EYS: variants seen among roughly 807,000 people sequenced by gnomAD.
EYS encodes protein eyes shut homolog.
In EYS, 250 loss-of-function variants were observed where a neutral mutation model predicts 282.1. That is an observed-to-expected ratio of 0.89 (90% CI 0.80 to 0.98). The LOEUF (loss-of-function observed/expected upper bound fraction) is 0.98, where lower values mean the gene tolerates loss of function less well. EYS is among the 50% of genes least tolerant of loss of function. The pLI is 0.00. For synonymous variants in EYS, 1,355 were observed against 1,282.9 expected (o/e 1.06, Z -1.20); for missense variants, 4,016 against 3,709.0 (o/e 1.08, Z -2.15).
intron 12 of EYS, among the ~76,000 whole-genome samples, chr6:65,058,114 C>T (rs9453168): frequency 0.015 from 2,236 of 152,164 alleles, 44 homozygotes; most frequent in African/African-American, 0.05. Context: ...GAATCAATAA[C>T]ATCCTGATGT....
chr6:65,236,493 C>T (rs989001678), intron 12 of EYS, among the ~76,000 whole-genome samples: 8 of 151,982 alleles, frequency 5.3e-5, no homozygotes, highest in Non-Finnish European at 1.0e-4. Context: ...CGCTTGTTTT[C>T]CTAGCCACTA....
At chr6:65,652,614 AT>A (rs1291012037) in intron 1 of EYS, among the ~76,000 whole-genome samples, 1 of 151,984 alleles carries the variant, frequency 6.6e-6, no homozygotes, top group Non-Finnish European at 1.5e-5. Context: ...AGCTTGAATA[AT>A]TTAGAAGAAG....
At chr6:64,869,490 CAT>C (rs1438990893) in intron 19 of EYS, among the ~76,000 whole-genome samples, 1 of 151,214 alleles carries the variant, frequency 6.6e-6, no homozygotes, top group Non-Finnish European at 1.5e-5. Context: ...AAAAAGATGA[CAT>C]AGTGAAGTAA....
chr6:63,948,998 A>T (rs1162235947), intron 35 of EYS, among the ~76,000 whole-genome samples: 1 of 152,168 alleles, frequency 6.6e-6, no homozygotes, highest in South Asian at 2.1e-4. Context: ...CAGTTACTAC[A>T]GTGTACTACC....
At chr6:65,329,630 T>C (rs752056723) in intron 11 of EYS, 19 of 982,048 alleles carry the variant, frequency 1.9e-5, no homozygotes, top group Non-Finnish European at 2.3e-5. Context: ...GGCAGAAAAG[T>C]TTGCATAGTA....
intron 31 of EYS, among the ~76,000 whole-genome samples, chr6:64,132,090 C>T (rs114101571): frequency 0.019 from 2,948 of 151,774 alleles, 89 homozygotes; most frequent in African/African-American, 0.067. Context: ...AGTTGTCTTT[C>T]TCTGAGTAAA....
At chr6:63,991,393 A>G (rs1459321772) in intron 34 of EYS, among the ~76,000 whole-genome samples, 1 of 151,736 alleles carries the variant, frequency 6.6e-6, no homozygotes, top group Non-Finnish European at 1.5e-5. Flanking sequence ...ACAACCCTTT[A>G]AAAAGAGATC....
At chr6:64,136,593 A>G (rs1417125699) in intron 31 of EYS, among the ~76,000 whole-genome samples, 1 of 152,140 alleles carries the variant, frequency 6.6e-6, no homozygotes, top group Non-Finnish European at 1.5e-5. Context: ...TTGTATTGTC[A>G]GGCATGAAAA....
chr6:64,994,520 G>T (rs1013466134), intron 14 of EYS, among the ~76,000 whole-genome samples: 1 of 151,982 alleles, frequency 6.6e-6, no homozygotes, highest in African/African-American at 2.4e-5. Flanking sequence ...AGGCAAATGC[G>T]AATGTTTTAT....
intron 22 of EYS, among the ~76,000 whole-genome samples, chr6:64,785,816 C>A (rs1205336045): frequency 6.6e-6 from 1 of 152,080 alleles, no homozygotes; most frequent in African/African-American, 2.4e-5. Context: ...TAGATAAAGT[C>A]CTTGTCATCA....
intron 1 of EYS, among the ~76,000 whole-genome samples, chr6:65,706,106 C>A (rs1443275455): frequency 6.6e-6 from 1 of 151,368 alleles, no homozygotes; most frequent in Non-Finnish European, 1.5e-5. Flanking sequence ...ATATTCATTT[C>A]ATATGTATTT....
chr6:65,098,849 T>C (rs933232944), intron 12 of EYS, among the ~76,000 whole-genome samples: 4 of 150,712 alleles, frequency 2.7e-5, no homozygotes, highest in Non-Finnish European at 6.0e-5. Flanking sequence ...AAAATTCCTA[T>C]AAACAAAAGG....
At chr6:64,871,716 C>T (rs983664867) in intron 19 of EYS, among the ~76,000 whole-genome samples, 2 of 152,008 alleles carry the variant, frequency 1.3e-5, no homozygotes, top group African/African-American at 4.8e-5. Flanking sequence ...TCCTCCCAAA[C>T]TCTGTACAAA....
chr6:64,237,522 G>A (rs1347666340), intron 30 of EYS, among the ~76,000 whole-genome samples: 1 of 152,136 alleles, frequency 6.6e-6, no homozygotes, highest in Non-Finnish European at 1.5e-5. Flanking sequence ...TAGTTGCCAG[G>A]TGTTCAGTTT....
intron 5 of EYS, among the ~76,000 whole-genome samples, chr6:65,415,168 C>T (rs1410218082): frequency 6.6e-6 from 1 of 151,902 alleles, no homozygotes; most frequent in East Asian, 1.9e-4. Context: ...TGGGGATAAA[C>T]ATTAGTTGCA....
chr6:65,195,950 A>T (rs1271580748), intron 12 of EYS, among the ~76,000 whole-genome samples: 1 of 152,066 alleles, frequency 6.6e-6, no homozygotes, highest in Non-Finnish European at 1.5e-5. Context: ...AGGAATATCA[A>T]CCAGCCAGTC....
intron 31 of EYS, among the ~76,000 whole-genome samples, chr6:64,121,750 AG>A (rs1340878729): frequency 4.1e-4 from 62 of 152,244 alleles, no homozygotes; most frequent in African/African-American, 1.4e-3. Flanking sequence ...CCCTTCTTAA[AG>A]TACCAGTTTC....
intron 33 of EYS, among the ~76,000 whole-genome samples, chr6:64,054,677 C>A (rs1770923671): frequency 6.6e-6 from 1 of 151,970 alleles, no homozygotes; most frequent in Admixed American, 6.6e-5. Context: ...TAGGTAGTAA[C>A]CCTGTTTCAA....
At chr6:64,502,529 G>A (rs1777088567) in intron 26 of EYS, among the ~76,000 whole-genome samples, 1 of 152,068 alleles carries the variant, frequency 6.6e-6, no homozygotes, top group South Asian at 2.1e-4. Context: ...GCCGGAGGCT[G>A]GTGTTTTTTT....
Sources: gnomAD v4.1 joint callset for allele counts (sites outside exome capture counted in the v4.1 genomes callset) on GRCh38, gnomAD v4.1.1 for gene constraint, MANE v1.5 for transcripts, NCBI Gene and HGNC (gene_info 2026-07-23, HGNC 2026-07-21) for gene names.